Variants in ATF7IP observed in about 807,000 individuals in gnomAD.
The protein encoded by ATF7IP is activating transcription factor 7-interacting protein 1.
A neutral mutation model predicts 106.4 loss-of-function variants in ATF7IP; 23 were observed. The ratio of observed to expected loss-of-function variants is 0.22; its 90% confidence interval spans 0.16 to 0.31. The LOEUF (loss-of-function observed/expected upper bound fraction) is 0.31, where lower values mean the gene tolerates loss of function less well. Among genes scored for constraint, ATF7IP ranks in the 10% least tolerant of loss-of-function variants. The pLI is 1.00. For synonymous variants in ATF7IP, 542 were observed against 539.0 expected (o/e 1.01, Z -0.08); for missense variants, 1,334 against 1,524.3 (o/e 0.88, Z 2.08).
At position 14,403,547 on chromosome 12, in the gene ATF7IP, A is replaced by G. The variant is rs375792183; in HGVS notation, c.-7-20362A>G. 4.6e-5 allele frequency among the ~76,000 whole-genome samples: 7 copies of G among 152,294 alleles called. No individual in the cohort carries two copies. In the East Asian group the frequency reaches 9.6e-4, roughly 21 times the overall value. On this transcript the variant is annotated intron_variant, in intron 1 of 14. Coordinates refer to ENST00000261168, the MANE Select transcript of ATF7IP (RefSeq NM_018179.5). ...TGTGCTGTTAACAGTGAGGTGGCTGATCGAATTTTTTTCTGTTTACCAGTC... is the reference window on the plus strand; with the variant it reads ...TGTGCTGTTAACAGTGAGGTGGCTGGTCGAATTTTTTTCTGTTTACCAGTC...
At chr12:14,445,433 G>T (rs913214145) in intron 5 of ATF7IP, among the ~76,000 whole-genome samples, 2 of 149,030 alleles carry the variant, frequency 1.3e-5, no homozygotes, top group Non-Finnish European at 1.5e-5. Context: ...TCACCCATCC[G>T]CCCACCTTGG....
intron 1 of ATF7IP, among the ~76,000 whole-genome samples, chr12:14,406,416 A>C (rs887065221): frequency 2.6e-5 from 4 of 151,862 alleles, no homozygotes; most frequent in Non-Finnish European, 5.9e-5. Flanking sequence ...CTTTATTAAC[A>C]AAATCTGATA....
chr12:14,471,535 G>A (rs980795242), intron 10 of ATF7IP, among the ~76,000 whole-genome samples: 9 of 152,008 alleles, frequency 5.9e-5, no homozygotes, highest in African/African-American at 1.9e-4. Context: ...AGTTACAGCA[G>A]CATTTTTTTT....
Position 14,424,390 on chromosome 12 carries a change from C to A in ATF7IP, c.475C>A (p.Pro159Thr), listed in dbSNP as rs150179759. The change falls in exon 2 of 15, where the codon CCC (proline) becomes ACC (threonine). Residue 159 changes from proline to threonine, a missense_variant. Transcript: ENST00000261168. ...CTCTGGTGATTCCACCTCTGGTGAT[C>A]CCACCTCTAGCGAGCCCTCCTCTAG... ...LASGDSTSGDPTSSEPSSSDA... is the reference protein window; with the variant it reads ...LASGDSTSGDTTSSEPSSSDA... 6.2e-7 allele frequency: 1 copy of A among 1,613,814 alleles called. No homozygotes were observed. The highest frequency in any genetic ancestry group is 8.5e-7 in the Non-Finnish European group (1 of 1,179,814).
At chr12:14,395,971 A>G (rs2136447848) in intron 1 of ATF7IP, among the ~76,000 whole-genome samples, 1 of 152,352 alleles carries the variant, frequency 6.6e-6, no homozygotes, top group Non-Finnish European at 1.5e-5. Flanking sequence ...ATACAAAAAT[A>G]TAAAATTCCA....
intron 1 of ATF7IP, among the ~76,000 whole-genome samples, chr12:14,371,471 A>G (rs1938530494): frequency 6.6e-6 from 1 of 152,140 alleles, no homozygotes; most frequent in East Asian, 1.9e-4. Context: ...AACTTTTTCT[A>G]GTTCTGGTTT....
At chr12:14,445,116 G>A (rs10845998) in intron 5 of ATF7IP, among the ~76,000 whole-genome samples, 61,074 of 150,174 alleles carry the variant, frequency 0.41, 13,061 homozygotes, top group East Asian at 0.6. Flanking sequence ...TCAGCCTCCC[G>A]AAGAGCTGGG....
At chr12:14,486,575 T>G (rs1241596919) in intron 13 of ATF7IP, among the ~76,000 whole-genome samples, 2 of 152,154 alleles carry the variant, frequency 1.3e-5, no homozygotes. Flanking sequence ...GACCTAGAAG[T>G]TTTTTGGTTA....
intron 1 of ATF7IP, among the ~76,000 whole-genome samples, chr12:14,398,811 T>A (rs148554665): frequency 6.6e-6 from 1 of 152,088 alleles, no homozygotes; most frequent in Non-Finnish European, 1.5e-5. Flanking sequence ...AGGTTTTATA[T>A]GTATACCTAC....
chr12:14,399,397 TCTC>T (rs896618374), intron 1 of ATF7IP, among the ~76,000 whole-genome samples: 2 of 152,104 alleles, frequency 1.3e-5, no homozygotes, highest in Non-Finnish European at 2.9e-5. Flanking sequence ...TTTAATTCTT[TCTC>T]TTCTGTAGTT....
intron 1 of ATF7IP, among the ~76,000 whole-genome samples, chr12:14,413,277 A>G (rs111498993): frequency 0.044 from 6,721 of 152,216 alleles, 188 homozygotes; most frequent in Non-Finnish European, 0.063. Flanking sequence ...TAAATTAAGG[A>G]TGAGATAATT....
chr12:14,410,240 T>G (rs77462539), intron 1 of ATF7IP, among the ~76,000 whole-genome samples: 1,778 of 152,312 alleles, frequency 0.012, 27 homozygotes, highest in East Asian at 0.063. Flanking sequence ...TGGGTAATAT[T>G]AAGTGGAAAA....
intron 10 of ATF7IP, among the ~76,000 whole-genome samples, chr12:14,472,484 A>G (rs1944087525): frequency 6.6e-6 from 1 of 152,132 alleles, no homozygotes; most frequent in South Asian, 2.1e-4. Context: ...GGATGTAGGT[A>G]TATACGCATA....
intron 1 of ATF7IP, chr12:14,385,301 CTG>C (rs1269513429): frequency 1.7e-6 from 2 of 1,206,584 alleles, no homozygotes; most frequent in African/African-American, 1.5e-5. Context: ...GCAACTGAGA[CTG>C]TGCAGCTGTC....
Position 14,496,302 on chromosome 12 carries a change from C to T in ATF7IP, c.3352C>T (p.Pro1118Ser). The T allele has an allele frequency of 6.2e-7, 1 of 1,613,930 alleles. No individual in the cohort carries two copies. The highest frequency in any genetic ancestry group is 1.1e-5 in the South Asian group (1 of 91,074). ...NNGLTLGSTG[P>S]QLTVHHRPPQ... ...TGGACTAACCCTGGGATCAACAGGA[C>T]CTCAGCTCACAGTGCATCACCGACC... The change falls in exon 14 of 15, where the codon CCT (proline) becomes TCT (serine). Residue 1118 changes from proline to serine, a missense_variant. Around this residue, in one of 10 missense-constraint regions of ATF7IP, gnomAD observed 370 missense variants for 401.2 expected, o/e 0.92. Transcript: ENST00000261168.
At position 14,455,774 on chromosome 12, in the gene ATF7IP, A is replaced by G. The variant is rs541949317; in HGVS notation, c.1996-787A>G. 9.3e-5 allele frequency among the ~76,000 whole-genome samples: 14 copies of G among 151,178 alleles called. No individual in the cohort carries two copies. The South Asian group carries it at 2.9e-3, about 32-fold the overall frequency. On this transcript the variant is annotated intron_variant, in intron 6 of 14. Coordinates refer to ENST00000261168, the MANE Select transcript of ATF7IP (RefSeq NM_018179.5). ...TAATTTTTGTATTTTTTTTTTAGAGATGGGGTTTTGCTACGTTGCCCAGGC... is the reference window on the plus strand; with the variant it reads ...TAATTTTTGTATTTTTTTTTTAGAGGTGGGGTTTTGCTACGTTGCCCAGGC...
Position 14,481,334 on chromosome 12 carries a change from A to G in ATF7IP, c.3280+149A>G, listed in dbSNP as rs1368391775. The G allele has an allele frequency of 1.3e-5, 9 of 674,646 alleles. No individual in the cohort carries two copies. The South Asian group carries it at 1.5e-4, about 12-fold the overall frequency. The allele number at this position is 674,646 out of a possible 1,614,324, so 41.8% of individuals were successfully genotyped here. ...GTTATAAGTTCAAGAGATCTGTACT[A>G]CAACATAGAAACTATAGTATAGTTA... On this transcript the variant is annotated intron_variant, in intron 13 of 14. Coordinates refer to ENST00000261168, the MANE Select transcript of ATF7IP (RefSeq NM_018179.5).
chr12:14,470,671 A>G (rs1198332534), intron 10 of ATF7IP, among the ~76,000 whole-genome samples: 1 of 152,228 alleles, frequency 6.6e-6, no homozygotes, highest in South Asian at 2.1e-4. Context: ...ACATAGAAAT[A>G]TTGGGAAGAG....
At chr12:14,415,828 T>G (rs902329824) in intron 1 of ATF7IP, among the ~76,000 whole-genome samples, 1 of 152,098 alleles carries the variant, frequency 6.6e-6, no homozygotes, top group Admixed American at 6.6e-5. Flanking sequence ...ATAGGTAATT[T>G]AAAGATAATT....
Sources: gnomAD v4.1 joint callset for allele counts (sites outside exome capture counted in the v4.1 genomes callset) on GRCh38, gnomAD v4.1.1 for gene constraint, gnomAD v4.1.1 regional missense constraint, MANE v1.5 for transcripts, NCBI Gene and HGNC (gene_info 2026-07-23, HGNC 2026-07-21) for gene names.